SH3PXD2A: variants seen among roughly 807,000 people sequenced by gnomAD.
SH3PXD2A encodes the protein SH3 and PX domains 2A.
A neutral mutation model predicts 115.2 loss-of-function variants in SH3PXD2A; 32 were observed. The observed-to-expected ratio is 0.28, with a 90% CI of 0.21 to 0.37. SH3PXD2A has a LOEUF of 0.37. Among genes scored for constraint, SH3PXD2A ranks in the 10% least tolerant of loss-of-function variants. SH3PXD2A has a pLI of 1.00. For missense variants in SH3PXD2A, 1,328 were observed against 1,498.7 expected (o/e 0.89, Z 1.88); for synonymous variants, 610 against 629.1 (o/e 0.97, Z 0.45).
At chr10:103,818,274 C>T (rs556456840) in intron 1 of SH3PXD2A, among the ~76,000 whole-genome samples, 30 of 152,320 alleles carry the variant, frequency 2.0e-4, no homozygotes, top group Admixed American at 1.2e-3. Context: ...CCCCCTCCTC[C>T]GGTGCACAGC....
chr10:103,832,545 C>G (rs984752355), intron 1 of SH3PXD2A, among the ~76,000 whole-genome samples: 11 of 152,108 alleles, frequency 7.2e-5, no homozygotes, highest in African/African-American at 2.7e-4. Context: ...AGATGTGGCA[C>G]GTATACACCA....
chr10:103,603,863 C>A, intron 14 of SH3PXD2A, 74 bp from the exon 15 acceptor site: 1 of 1,435,278 alleles, frequency 7.0e-7, no homozygotes, highest in East Asian at 2.5e-5. Flanking sequence ...GTAGGAGTAT[C>A]ATACTTTGGC....
rs560998828 is a variant in SH3PXD2A, at chr10:103,618,180, T to G, written c.803-866A>C. 4.6e-5 allele frequency among the ~76,000 whole-genome samples: 7 copies of G among 152,284 alleles called. No individual in the cohort carries two copies. In the East Asian group the frequency reaches 1.4e-3, roughly 29 times the overall value. The stretch of plus-strand genomic sequence containing the variant: ...GCTGGGAAAGAAGTGCCTTGTAGAC[T>G]CTCAGGAAGGCTTGGGAGGGCAGGT... On this transcript the variant is annotated intron_variant, in intron 10 of 14. Transcript: ENST00000369774.
chr10:103,799,121 C>T (rs1423909682), intron 2 of SH3PXD2A, among the ~76,000 whole-genome samples: 2 of 152,166 alleles, frequency 1.3e-5, no homozygotes, highest in Non-Finnish European at 2.9e-5. Flanking sequence ...AGCCAGTAAC[C>T]GGTCCCAGGG....
rs187506114 is a variant in SH3PXD2A at position 103,678,577 on chromosome 10, G to A, written c.428-9925C>T. ...GCCCTGGTTGCCTTTCCCAGCGTGG[G>A]AAGGTTGGGACACTTCTCTGGGCCT... is the stretch of plus-strand genomic sequence containing the variant. On this transcript the variant is annotated intron_variant, in intron 6 of 14. Coordinates refer to ENST00000369774, the MANE Select transcript of SH3PXD2A (RefSeq NM_001394015.1). Among the ~76,000 whole-genome samples, 678 of 152,346 alleles carry A rather than the reference G, an allele frequency of 4.5e-3. 3 individuals are homozygous for A. Among genetic ancestry groups the A allele is most frequent in the African/African-American group, 0.016 (652 of 41,582 alleles).
chr10:103,654,329 G>A (rs1482331546), intron 8 of SH3PXD2A, among the ~76,000 whole-genome samples: 4 of 152,150 alleles, frequency 2.6e-5, no homozygotes, highest in Non-Finnish European at 5.9e-5. Context: ...CTGCCTGACA[G>A]TAAACCCCTC....
intron 1 of SH3PXD2A, among the ~76,000 whole-genome samples, chr10:103,850,258 C>T (rs1842884668): frequency 1.3e-5 from 2 of 152,158 alleles, no homozygotes; most frequent in Non-Finnish European, 2.9e-5. Context: ...TGCCACCACA[C>T]ATGGTAATTT....
intron 8 of SH3PXD2A, among the ~76,000 whole-genome samples, chr10:103,652,389 T>G (rs960079745): frequency 3.3e-5 from 5 of 152,024 alleles, no homozygotes; most frequent in South Asian, 2.1e-4. Context: ...ACCCCCACAA[T>G]GAGGCCAGGA....
At chr10:103,842,550 C>T (rs990092496) in intron 1 of SH3PXD2A, among the ~76,000 whole-genome samples, 7 of 152,290 alleles carry the variant, frequency 4.6e-5, no homozygotes, top group African/African-American at 1.4e-4. Flanking sequence ...TTTATTCCTC[C>T]CACCTGGCCT....
At chr10:103,607,601 C>G (rs1400700322) in intron 13 of SH3PXD2A, among the ~76,000 whole-genome samples, 2 of 152,168 alleles carry the variant, frequency 1.3e-5, no homozygotes, top group Non-Finnish European at 2.9e-5. Flanking sequence ...GCCGCCCCTA[C>G]TGGGCAGTGA....
At chr10:103,643,788 ATCT>A (rs1228036785) in intron 8 of SH3PXD2A, among the ~76,000 whole-genome samples, 36 of 152,168 alleles carry the variant, frequency 2.4e-4, no homozygotes, top group Non-Finnish European at 3.5e-4. Flanking sequence ...GGAACCACTG[ATCT>A]TCTTCAGGTG....
chr10:103,699,480 G>A (rs1386511449), intron 5 of SH3PXD2A, among the ~76,000 whole-genome samples: 1 of 152,196 alleles, frequency 6.6e-6, no homozygotes, highest in Admixed American at 6.5e-5. Context: ...CAGGGCTATT[G>A]TGAGAATTCG....
chr10:103,646,479 C>G (rs150213684), intron 8 of SH3PXD2A, among the ~76,000 whole-genome samples: 94 of 152,292 alleles, frequency 6.2e-4, no homozygotes, highest in Non-Finnish European at 9.7e-4. Flanking sequence ...GTGACTGACA[C>G]CCATGAGTAC....
intron 3 of SH3PXD2A, among the ~76,000 whole-genome samples, chr10:103,745,280 A>G (rs142909756): frequency 9.8e-4 from 149 of 152,320 alleles, no homozygotes; most frequent in Admixed American, 2.0e-3. Flanking sequence ...TATGCCTGAA[A>G]CCATTACTCT....
At chr10:103,759,225 C>G (rs1337527195) in intron 3 of SH3PXD2A, among the ~76,000 whole-genome samples, 1 of 152,206 alleles carries the variant, frequency 6.6e-6, no homozygotes, top group African/African-American at 2.4e-5. Context: ...CTCCAAACTG[C>G]CTCTTCATTA....
At chr10:103,657,028 A>C (rs2037222926) in intron 8 of SH3PXD2A, among the ~76,000 whole-genome samples, 1 of 151,620 alleles carries the variant, frequency 6.6e-6, no homozygotes, top group South Asian at 2.1e-4. Context: ...TCACAACTCA[A>C]CTGGGACTAA....
At chr10:103,846,841 G>C (rs1248447849) in intron 1 of SH3PXD2A, among the ~76,000 whole-genome samples, 1 of 152,224 alleles carries the variant, frequency 6.6e-6, no homozygotes, top group African/African-American at 2.4e-5. Context: ...GCAGGCTTTG[G>C]AGCCAGCAGA....
At chr10:103,812,390 G>GT (rs1173031880) in intron 1 of SH3PXD2A, among the ~76,000 whole-genome samples, 1 of 152,168 alleles carries the variant, frequency 6.6e-6, no homozygotes, top group African/African-American at 2.4e-5. Flanking sequence ...ACATTCAGGA[G>GT]CCAGAGTCCT....
At chr10:103,724,728 C>T (rs969879401) in intron 4 of SH3PXD2A, among the ~76,000 whole-genome samples, 10 of 151,980 alleles carry the variant, frequency 6.6e-5, no homozygotes, top group Non-Finnish European at 1.3e-4. Flanking sequence ...ATCCAGTCAA[C>T]CAACCAACCA....
Sources: gnomAD v4.1 joint callset for allele counts (sites outside exome capture counted in the v4.1 genomes callset) on GRCh38, gnomAD v4.1.1 for gene constraint, MANE v1.5 for transcripts, NCBI Gene and HGNC (gene_info 2026-07-23, HGNC 2026-07-21) for gene names.